The following CDH18 variants were observed in gnomAD, a reference collection of about 807,000 sequenced individuals.
CDH18 encodes the protein cadherin 18.
Under a neutral mutation model 67.9 loss-of-function variants are expected in CDH18, and 31 were observed. That is an observed-to-expected ratio of 0.46 (90% CI 0.34 to 0.62). The LOEUF (loss-of-function observed/expected upper bound fraction) is 0.62, where lower values mean the gene tolerates loss of function less well. CDH18 is among the 20% of genes least tolerant of loss of function. The pLI is 0.01. For missense variants in CDH18, 890 were observed against 975.5 expected (o/e 0.91, Z 1.17); for synonymous variants, 362 against 347.2 (o/e 1.04, Z -0.48).
chr5:19,504,075 A>G (rs1214962757), intron 10 of CDH18, among the ~76,000 whole-genome samples: 1 of 152,112 alleles, frequency 6.6e-6, no homozygotes. Context: ...TCACCAAAGG[A>G]TATCACAGTT....
chr5:19,526,964 T>C (rs1329148134), intron 9 of CDH18, among the ~76,000 whole-genome samples: 1 of 151,898 alleles, frequency 6.6e-6, no homozygotes, highest in Non-Finnish European at 1.5e-5. Flanking sequence ...AGAATAAAGA[T>C]GGTTTATAAA....
intron 2 of CDH18, among the ~76,000 whole-genome samples, chr5:20,131,597 C>T (rs531838541): frequency 6.6e-6 from 1 of 152,024 alleles, no homozygotes; most frequent in South Asian, 2.1e-4. Context: ...ATTTGTGTGT[C>T]TGTATGAATC....
At chr5:19,666,237 T>TTTATTATTATTATTATTA (rs70950082) in intron 5 of CDH18, among the ~76,000 whole-genome samples, 1 of 128,162 alleles carries the variant, frequency 7.8e-6, no homozygotes, top group Non-Finnish European at 1.6e-5. Flanking sequence ...CTGTATGATT[T>TTTATTATTATTATTATTA]TTATTATTAT....
Position 19,674,900 on chromosome 5 carries a change from G to T in CDH18, c.643+46447C>A, listed in dbSNP as rs1476070892. Among the ~76,000 whole-genome samples the T allele has an allele frequency of 2.0e-5, 3 of 152,196 alleles. No individual in the cohort carries two copies. In the East Asian group the frequency reaches 5.8e-4, roughly 29 times the overall value. On this transcript the variant is annotated intron_variant, in intron 5 of 12. Transcript: ENST00000382275. Reference sequence around the variant, plus strand: ...AGGATGGCAATAAAACAATACAAGAGATAAAAGAAGAAACGGTCATTTATC... The same window carrying T: ...AGGATGGCAATAAAACAATACAAGATATAAAAGAAGAAACGGTCATTTATC...
At chr5:20,072,093 C>T (rs75156704) in intron 2 of CDH18, among the ~76,000 whole-genome samples, 5,361 of 152,098 alleles carry the variant, frequency 0.035, 313 homozygotes, top group African/African-American at 0.12. Context: ...ACTGTTTCTC[C>T]ATCATTCTTT....
chr5:20,009,998 C>T (rs188046341), intron 2 of CDH18, among the ~76,000 whole-genome samples: 2 of 152,232 alleles, frequency 1.3e-5, no homozygotes, highest in Admixed American at 1.3e-4. Flanking sequence ...TGAATATTAA[C>T]TATGAGAGTA....
intron 5 of CDH18, among the ~76,000 whole-genome samples, chr5:19,650,087 T>C (rs981580258): frequency 1.9e-4 from 29 of 152,022 alleles, no homozygotes; most frequent in Admixed American, 1.3e-4. Context: ...AATATACTAA[T>C]ATAATTTTCA....
chr5:20,554,575 A>C (rs1355000637), intron 1 of CDH18, among the ~76,000 whole-genome samples: 1 of 152,150 alleles, frequency 6.6e-6, no homozygotes. Context: ...ATGATTACAC[A>C]TTGGATCACT....
chr5:19,658,393 G>A (rs1456706139), intron 5 of CDH18, among the ~76,000 whole-genome samples: 1 of 152,018 alleles, frequency 6.6e-6, no homozygotes, highest in Non-Finnish European at 1.5e-5. Context: ...TGCAATCTGT[G>A]TGCCTCTAGA....
intron 1 of CDH18, among the ~76,000 whole-genome samples, chr5:20,561,119 G>A (rs1758184231): frequency 6.6e-6 from 1 of 152,084 alleles, no homozygotes; most frequent in Non-Finnish European, 1.5e-5. Flanking sequence ...ATGCTGGCAA[G>A]GATATGAAGC....
chr5:19,496,570 T>G (rs1742360396), intron 11 of CDH18, among the ~76,000 whole-genome samples: 1 of 152,172 alleles, frequency 6.6e-6, no homozygotes, highest in Non-Finnish European at 1.5e-5. Context: ...TCCAGGATTT[T>G]GGGAGGCCAA....
intron 2 of CDH18, among the ~76,000 whole-genome samples, chr5:19,946,311 A>G (rs1276329628): frequency 2.0e-5 from 3 of 152,178 alleles, no homozygotes; most frequent in African/African-American, 7.2e-5. Context: ...CAAGTAAACT[A>G]AGATAATTTG....
intron 2 of CDH18, among the ~76,000 whole-genome samples, chr5:20,189,798 T>C (rs1738396076): frequency 1.3e-5 from 2 of 152,170 alleles, no homozygotes; most frequent in Admixed American, 1.3e-4. Flanking sequence ...TCATGAAATG[T>C]CAATTTTAGG....
chr5:20,260,845 G>T (rs1744597376), intron 1 of CDH18, among the ~76,000 whole-genome samples: 1 of 152,142 alleles, frequency 6.6e-6, no homozygotes, highest in Admixed American at 6.5e-5. Context: ...GCAGAAGATG[G>T]GAAAACTAGT....
At chr5:20,328,498 TGTGTGTGTGTGAGAGA>T (rs1057154623) in intron 1 of CDH18, among the ~76,000 whole-genome samples, 20 of 149,248 alleles carry the variant, frequency 1.3e-4, no homozygotes, top group Non-Finnish European at 3.0e-4. Flanking sequence ...TGTGTGTGTG[TGTGTGTGTGTGAGAGA>T]GAGAGAGAGA....
At chr5:19,489,279 T>A (rs1306977326) in intron 11 of CDH18, among the ~76,000 whole-genome samples, 4 of 147,400 alleles carry the variant, frequency 2.7e-5, no homozygotes, top group South Asian at 2.2e-4. Flanking sequence ...ACTGAGTCTC[T>A]CTCTGTCGCC....
chr5:19,852,474 G>C (rs1461445068), intron 2 of CDH18, among the ~76,000 whole-genome samples: 1 of 152,000 alleles, frequency 6.6e-6, no homozygotes, highest in Non-Finnish European at 1.5e-5. Context: ...GCATTCGCTT[G>C]TAGGTCTGGG....
chr5:20,247,550 G>C (rs1004897948), intron 2 of CDH18, among the ~76,000 whole-genome samples: 1 of 151,994 alleles, frequency 6.6e-6, no homozygotes, highest in Non-Finnish European at 1.5e-5. Context: ...TGGATAACGA[G>C]GTCAAGAGAT....
intron 5 of CDH18, among the ~76,000 whole-genome samples, chr5:19,666,292 G>C (rs2150331571): frequency 7.5e-6 from 1 of 134,132 alleles, no homozygotes; most frequent in South Asian, 2.4e-4. Context: ...ATTTTCTCTA[G>C]AGACGGGGTC....
Sources: gnomAD v4.1 joint callset for allele counts (sites outside exome capture counted in the v4.1 genomes callset) on GRCh38, gnomAD v4.1.1 for gene constraint, MANE v1.5 for transcripts, NCBI Gene and HGNC (gene_info 2026-07-23, HGNC 2026-07-21) for gene names.